CHST10: variants seen among roughly 807,000 people sequenced by gnomAD.
CHST10 encodes the protein carbohydrate sulfotransferase 10.
A neutral mutation model predicts 34.7 loss-of-function variants in CHST10; 24 were observed. The observed-to-expected ratio is 0.69, with a 90% CI of 0.50 to 0.97. CHST10 has a LOEUF of 0.97. Among genes scored for constraint, CHST10 ranks in the 50% least tolerant of loss-of-function variants. The probability of loss-of-function intolerance (pLI) is 0.00; values close to 1 mark genes in which losing one functional copy is unlikely to be tolerated. For missense variants in CHST10, 402 were observed against 452.1 expected (o/e 0.89, Z 1.00); for synonymous variants, 161 against 169.3 (o/e 0.95, Z 0.38).
At chr2:100,407,268 G>A (rs1431126300) in intron 2 of CHST10, among the ~76,000 whole-genome samples, 4 of 152,182 alleles carry the variant, frequency 2.6e-5, no homozygotes, top group Admixed American at 6.5e-5. Context: ...TGCCAGCAGC[G>A]GCCTGGGTAG....
intron 3 of CHST10, among the ~76,000 whole-genome samples, chr2:100,403,802 A>C (rs1315453421): frequency 1.3e-5 from 2 of 152,188 alleles, no homozygotes; most frequent in Non-Finnish European, 2.9e-5. Flanking sequence ...ATAATCAAAA[A>C]CACCGTGAAC....
intron 6 of CHST10, 141 bp from the exon 7 acceptor site, chr2:100,393,923 C>T (rs891805426): frequency 5.2e-5 from 33 of 638,014 alleles, no homozygotes; most frequent in African/African-American, 4.6e-4. Flanking sequence ...GCATTCCACA[C>T]GTCTCTTAAT....
intron 5 of CHST10, among the ~76,000 whole-genome samples, chr2:100,396,794 T>C (rs1050384982): frequency 6.6e-6 from 1 of 152,242 alleles, no homozygotes; most frequent in Non-Finnish European, 1.5e-5. Flanking sequence ...CTGATTTCTA[T>C]GCTGCCCTTC....
intron 5 of CHST10, 117 bp downstream of exon 5, chr2:100,397,791 C>T: frequency 1.3e-6 from 1 of 769,432 alleles, no homozygotes; most frequent in African/African-American, 1.8e-5. Flanking sequence ...TGGACGGCCA[C>T]CAGTCCCTTC....
At chr2:100,408,375 A>G (rs1023523245) in intron 2 of CHST10, 2 of 152,012 alleles carry the variant, frequency 1.3e-5, no homozygotes, top group Admixed American at 1.3e-4. Flanking sequence ...AGAACCCCAG[A>G]CTTGGTTCAA....
At position 100,396,970 on chromosome 2, in the gene CHST10, C is replaced by G. The variant is rs151267484; in HGVS notation, c.427+938G>C. 5.5e-3 allele frequency among the ~76,000 whole-genome samples: 844 copies of G among 152,260 alleles called. 5 individuals are homozygous for G. The highest frequency in any genetic ancestry group is 0.019 in the African/African-American group (793 of 41,530). ...GAAGCACATTAATTATATGTGACAA[C>G]CAGATGATGAGGTGCCACCATTCTC... On this transcript the variant is annotated intron_variant, in intron 5 of 6. Transcript: ENST00000264249.
At chr2:100,411,943 A>C (rs1675861234) in intron 2 of CHST10, among the ~76,000 whole-genome samples, 1 of 152,212 alleles carries the variant, frequency 6.6e-6, no homozygotes, top group African/African-American at 2.4e-5. Context: ...ACGCAGGCCC[A>C]TGTGGCTGGA....
chr2:100,402,514 C>T (rs1372315878), intron 4 of CHST10, 50 bp downstream of exon 4: 1 of 1,519,524 alleles, frequency 6.6e-7, no homozygotes, highest in Non-Finnish European at 9.1e-7. Context: ...CTCCCCGCGA[C>T]AAGGGTGCCG....
At chr2:100,406,756 C>CCAA in intron 2 of CHST10, 49 bp from the exon 3 acceptor site, 1 of 1,521,912 alleles carries the variant, frequency 6.6e-7, no homozygotes, top group Non-Finnish European at 8.9e-7. Flanking sequence ...TACATCAAGT[C>CCAA]AACAAAGAGG....
chr2:100,405,315 C>T (rs1244167403), intron 3 of CHST10, among the ~76,000 whole-genome samples: 1 of 152,168 alleles, frequency 6.6e-6, no homozygotes, highest in African/African-American at 2.4e-5. Context: ...GGTTTCTCTC[C>T]AGGGCTCCTG....
At chr2:100,412,680 C>T (rs551143154) in intron 2 of CHST10, among the ~76,000 whole-genome samples, 5 of 152,304 alleles carry the variant, frequency 3.3e-5, no homozygotes, top group South Asian at 4.1e-4. Flanking sequence ...CTGGCATAAA[C>T]GCCATTCTCC....
intron 4 of CHST10, among the ~76,000 whole-genome samples, chr2:100,399,676 C>T (rs1271351211): frequency 3.3e-5 from 5 of 152,176 alleles, no homozygotes; most frequent in Admixed American, 3.3e-4. Flanking sequence ...CTCAGGGCCC[C>T]CCACCCAGCT....
In CHST10 at chr2:100,406,634, C is replaced by A. The variant is rs1187565218; in HGVS notation, c.42G>T (p.Val14=). The A allele has an allele frequency of 1.2e-6, 2 of 1,614,088 alleles. No homozygotes were observed. The highest frequency in any genetic ancestry group is 1.7e-6 in the Non-Finnish European group (2 of 1,180,052). ...QWLLLAACFW[V]IFMFMVASKF... ...TGCTAGCCACCATGAACATGAAAAT[C>A]ACCCAAAAGCATGCGGCCAGCAGAA... The change falls in exon 3 of 7, where the codon GTG becomes GTT. Residue 14 remains valine, a synonymous_variant. Transcript: ENST00000264249.
chr2:100,393,275 C>T lies in CHST10; in HGVS notation c.1041G>A (p.Gly347=), dbSNP rs1460054020. The change falls in exon 7 of 7, where the codon GGG becomes GGA. Residue 347 remains glycine (G), a synonymous_variant. Coordinates refer to ENST00000264249, the MANE Select transcript of CHST10 (RefSeq NM_004854.5). The part of the protein sequence containing the change: ...ARFEGDFKLF[G]YQKPDFLLN ...TTAGCAAAAAGTCTGGTTTCTGGTA[C>T]CCAAAGAGCTTAAAGTCCCCTTCGA... 1 of 1,614,058 alleles carries T rather than the reference C, an allele frequency of 6.2e-7. No homozygotes were observed. The highest frequency in any genetic ancestry group is 8.5e-7 in the Non-Finnish European group (1 of 1,180,034).
In CHST10 at chr2:100,397,610, A is replaced by G. The variant is rs189522855; in HGVS notation, c.427+298T>C. 2.0e-5 allele frequency among the ~76,000 whole-genome samples: 3 copies of G among 152,238 alleles called. No individual in the cohort carries two copies. The East Asian group carries it at 5.8e-4, about 29-fold the overall frequency. ...CCATCAGCACAGGGAACCTGAAGAG[A>G]CAAAGGAGGGGGGCCTGGGGGTGGG... On this transcript the variant is annotated intron_variant, in intron 5 of 6. Coordinates refer to ENST00000264249, the MANE Select transcript of CHST10 (RefSeq NM_004854.5).
intron 4 of CHST10, among the ~76,000 whole-genome samples, chr2:100,398,949 C>T (rs1235673804): frequency 6.6e-6 from 1 of 152,056 alleles, no homozygotes. Context: ...GAGTTAAAGT[C>T]CCCTTGCTGC....
At chr2:100,404,524 C>T (rs185628753) in intron 3 of CHST10, among the ~76,000 whole-genome samples, 1 of 152,208 alleles carries the variant, frequency 6.6e-6, no homozygotes, top group Admixed American at 6.5e-5. Context: ...TCCTTTTCTC[C>T]GCTTCACAAA....
chr2:100,397,912 T>C lies in CHST10; in HGVS notation c.423A>G (p.Leu141=), dbSNP rs2104324087. Residue 141 remains leucine, a synonymous_variant, in exon 5 of 7, where the codon CTA becomes CTG. Coordinates refer to ENST00000264249, the MANE Select transcript of CHST10 (RefSeq NM_004854.5). The part of the protein sequence containing the change: ...NTQWKKVLIV[L]NGAFSSIEEI... Reference sequence around the variant, plus strand: ...ATTCAGTAGACCCACACACACCATTTAGAACAATCAGCACTTTCTTCCACT... The same window carrying C: ...ATTCAGTAGACCCACACACACCATTCAGAACAATCAGCACTTTCTTCCACT... 3 of 1,610,842 alleles carry C rather than the reference T, an allele frequency of 1.9e-6. No individual in the cohort carries two copies. Among genetic ancestry groups the C allele is most frequent in the South Asian group, 1.1e-5 (1 of 90,316 alleles).
At chr2:100,394,236 G>A (rs936558495) in intron 6 of CHST10, among the ~76,000 whole-genome samples, 1 of 146,096 alleles carries the variant, frequency 6.8e-6, no homozygotes, top group Admixed American at 6.6e-5. Flanking sequence ...CCAGGGGAAG[G>A]GGGGCAAGAG....
Sources: gnomAD v4.1 joint callset for allele counts (sites outside exome capture counted in the v4.1 genomes callset) on GRCh38, gnomAD v4.1.1 for gene constraint, MANE v1.5 for transcripts, NCBI Gene and HGNC (gene_info 2026-07-23, HGNC 2026-07-21) for gene names.